NRG2: variants seen among roughly 807,000 people sequenced by gnomAD.
NRG2 encodes the protein neuregulin 2, also known as pro-neuregulin-2, membrane-bound isoform.
A neutral mutation model predicts 73.9 loss-of-function variants in NRG2; 27 were observed. The ratio of observed to expected loss-of-function variants is 0.37; its 90% confidence interval spans 0.27 to 0.50. The LOEUF (loss-of-function observed/expected upper bound fraction) is 0.50, where lower values mean the gene tolerates loss of function less well. Ranked by LOEUF, NRG2 falls within the 20% of genes least tolerant of loss-of-function variation. The pLI is 0.96. For synonymous variants in NRG2, 532 were observed against 541.0 expected (o/e 0.98, Z 0.23); for missense variants, 1,126 against 1,210.1 (o/e 0.93, Z 1.03).
intron 1 of NRG2, among the ~76,000 whole-genome samples, chr5:139,978,984 G>A: frequency 6.7e-6 from 1 of 148,892 alleles, no homozygotes; most frequent in Non-Finnish European, 1.5e-5. Context: ...CTATCACAAG[G>A]ACAAAAAAAC....
intron 1 of NRG2, among the ~76,000 whole-genome samples, chr5:140,028,079 G>A (rs1372839955): frequency 6.6e-6 from 1 of 152,172 alleles, no homozygotes; most frequent in African/African-American, 2.4e-5. Context: ...GAAAATTAAA[G>A]AGACATGACA....
intron 1 of NRG2, among the ~76,000 whole-genome samples, chr5:139,903,346 C>G (rs1242877918): frequency 6.6e-6 from 1 of 152,202 alleles, no homozygotes; most frequent in Non-Finnish European, 1.5e-5. Flanking sequence ...ACCACCTGCT[C>G]CCAGGATTGT....
intron 1 of NRG2, among the ~76,000 whole-genome samples, chr5:140,035,492 T>C (rs963403732): frequency 6.6e-6 from 1 of 152,258 alleles, no homozygotes. Context: ...ACAGAATATA[T>C]ATTTAAATAT....
intron 1 of NRG2, among the ~76,000 whole-genome samples, chr5:139,947,539 C>T (rs1295236398): frequency 1.3e-5 from 2 of 152,132 alleles, no homozygotes; most frequent in Non-Finnish European, 2.9e-5. Context: ...CTTCTGTGAA[C>T]ATTTGTGTAC....
chr5:139,995,732 G>A (rs1172510848), intron 1 of NRG2, among the ~76,000 whole-genome samples: 2 of 152,148 alleles, frequency 1.3e-5, no homozygotes, highest in African/African-American at 4.8e-5. Flanking sequence ...AAAAAAGGAG[G>A]GCTGGGCATG....
At chr5:139,951,172 C>T (rs1173857524) in intron 1 of NRG2, among the ~76,000 whole-genome samples, 1 of 152,222 alleles carries the variant, frequency 6.6e-6, no homozygotes, top group Non-Finnish European at 1.5e-5. Context: ...TGAGAAGGTA[C>T]ACATTTGCTG....
chr5:140,017,147 A>T (rs530181298), intron 1 of NRG2, among the ~76,000 whole-genome samples: 1 of 152,318 alleles, frequency 6.6e-6, no homozygotes, highest in South Asian at 2.1e-4. Context: ...TGTTAGTAAA[A>T]AGCAGATAGA....
At chr5:139,980,118 C>T (rs1222963077) in intron 1 of NRG2, among the ~76,000 whole-genome samples, 3 of 152,204 alleles carry the variant, frequency 2.0e-5, no homozygotes, top group Non-Finnish European at 2.9e-5. Flanking sequence ...CTTCCTCTTA[C>T]TCCCAGGACA....
At chr5:139,960,855 T>C (rs1174718267) in intron 1 of NRG2, among the ~76,000 whole-genome samples, 1 of 152,196 alleles carries the variant, frequency 6.6e-6, no homozygotes, top group Non-Finnish European at 1.5e-5. Context: ...TTCTAGCACA[T>C]GTCAGCATAG....
At chr5:139,939,659 G>T (rs1033914291) in intron 1 of NRG2, among the ~76,000 whole-genome samples, 6 of 152,168 alleles carry the variant, frequency 3.9e-5, no homozygotes, top group African/African-American at 1.4e-4. Flanking sequence ...TGCTCTTCAA[G>T]TGACAGTTTT....
At chr5:140,025,153 C>T (rs1163141700) in intron 1 of NRG2, among the ~76,000 whole-genome samples, 33 of 152,182 alleles carry the variant, frequency 2.2e-4, no homozygotes, top group Non-Finnish European at 1.5e-5. Flanking sequence ...CTCAACTAAA[C>T]ACACATAGCC....
intron 5 of NRG2, chr5:139,859,970 G>A: frequency 1.3e-6 from 2 of 1,553,800 alleles, no homozygotes; most frequent in Non-Finnish European, 1.8e-6. Flanking sequence ...AGAGACAGGT[G>A]GGTGGGGACA....
At chr5:139,914,491 TGTATATA>T (rs1335880578) in intron 1 of NRG2, among the ~76,000 whole-genome samples, 1 of 152,172 alleles carries the variant, frequency 6.6e-6, no homozygotes, top group African/African-American at 2.4e-5. Context: ...TCCCAGTATG[TGTATATA>T]CACACATGCA....
chr5:139,884,351 C>T (rs1162907758), intron 2 of NRG2, among the ~76,000 whole-genome samples: 2 of 152,162 alleles, frequency 1.3e-5, no homozygotes, highest in African/African-American at 4.8e-5. Context: ...GGGCTGCCAG[C>T]ATAGGGAACA....
At chr5:139,876,879 T>C (rs1763208302) in intron 3 of NRG2, among the ~76,000 whole-genome samples, 2 of 151,996 alleles carry the variant, frequency 1.3e-5, no homozygotes, top group African/African-American at 4.8e-5. Flanking sequence ...GAGCAAGATC[T>C]TGTTGAATAA....
In NRG2 at chr5:139,887,474, C is replaced by T. The variant is rs749652244; in HGVS notation, c.738G>A (p.Thr246=). The T allele has an allele frequency of 2.6e-5, 42 of 1,614,054 alleles. No individual in the cohort carries two copies. Among genetic ancestry groups the T allele is most frequent in the Non-Finnish European group, 3.4e-5 (40 of 1,180,052 alleles). The change falls in exon 2 of 10, where the codon ACG becomes ACA. Residue 246 remains threonine, a synonymous_variant. Coordinates refer to ENST00000361474, the MANE Select transcript of NRG2 (RefSeq NM_004883.3). This position sits in a 1 kb window ranked among gnomAD's most constrained non-coding sequence, Gnocchi z 4.5. ...RPKLKKMKSQ[T]GQVGEKQSLK... is the part of the protein sequence containing the mutation. ...GCGATTGCTTCTCACCCACCTGTCC[C>T]GTCTGGCTCTTCATCTTCTTCAACT...
At chr5:139,925,713 C>T (rs1181817804) in intron 1 of NRG2, among the ~76,000 whole-genome samples, 2 of 152,228 alleles carry the variant, frequency 1.3e-5, no homozygotes, top group African/African-American at 4.8e-5. Flanking sequence ...CTGGGATGTA[C>T]AACCGTGCTG....
At chr5:139,976,789 C>T (rs563259336) in intron 1 of NRG2, among the ~76,000 whole-genome samples, 16 of 152,344 alleles carry the variant, frequency 1.1e-4, no homozygotes, top group African/African-American at 3.6e-4. Context: ...TAGGTTATTA[C>T]TTATGTACAT....
intron 1 of NRG2, among the ~76,000 whole-genome samples, chr5:140,022,312 C>A (rs1208675171): frequency 6.6e-6 from 1 of 152,204 alleles, no homozygotes; most frequent in African/African-American, 2.4e-5. Flanking sequence ...TCCTGGAAGT[C>A]TTTTCTGATA....
Sources: allele counts gnomAD v4.1 joint callset (sites outside exome capture counted in the v4.1 genomes callset), GRCh38; gene constraint gnomAD v4.1.1; non-coding constraint Gnocchi (gnomAD v3.1); transcripts MANE v1.5; gene names NCBI Gene and HGNC (gene_info 2026-07-23, HGNC 2026-07-21).